The following PPP4R4 variants were observed in gnomAD, a reference collection of about 807,000 sequenced individuals.
PPP4R4 encodes serine/threonine-protein phosphatase 4 regulatory subunit 4.
PPP4R4 carries 70 observed loss-of-function variants against 121.8 expected under a neutral mutation model. The observed-to-expected ratio is 0.57, with a 90% CI of 0.47 to 0.70. The LOEUF (loss-of-function observed/expected upper bound fraction) is 0.70, where lower values mean the gene tolerates loss of function less well. Ranked by LOEUF, PPP4R4 falls within the 30% of genes least tolerant of loss-of-function variation. The pLI, the probability that PPP4R4 is intolerant of heterozygous loss-of-function variation, is 0.00. For missense variants in PPP4R4, 875 were observed against 1,033.6 expected (o/e 0.85, Z 2.10); for synonymous variants, 348 against 355.7 (o/e 0.98, Z 0.24).
At chr14:94,187,530 A>G (rs185965202) in intron 2 of PPP4R4, among the ~76,000 whole-genome samples, 6 of 152,312 alleles carry the variant, frequency 3.9e-5, no homozygotes, top group African/African-American at 1.4e-4. Flanking sequence ...CATGTTATTA[A>G]TACATAATCA....
At chr14:94,244,469 G>A (rs1345738736) in intron 11 of PPP4R4, among the ~76,000 whole-genome samples, 166 bp from the exon 12 acceptor site, 1 of 152,092 alleles carries the variant, frequency 6.6e-6, no homozygotes, top group Non-Finnish European at 1.5e-5. Flanking sequence ...TAGAAAGCTG[G>A]TTATTTGTGC....
chr14:94,241,291 G>A (rs545256004), intron 9 of PPP4R4, among the ~76,000 whole-genome samples: 11 of 152,144 alleles, frequency 7.2e-5, no homozygotes, highest in African/African-American at 2.4e-4. Flanking sequence ...TGAGTTTCTA[G>A]CTCCTTGAGA....
chr14:94,265,287 T>G (rs1480833973), intron 20 of PPP4R4, 100 bp from the exon 21 acceptor site: 2 of 813,958 alleles, frequency 2.5e-6, no homozygotes, highest in African/African-American at 3.5e-5. Flanking sequence ...GCTGCTTAGC[T>G]AGGGATAGTG....
intron 2 of PPP4R4, among the ~76,000 whole-genome samples, chr14:94,204,608 A>G (rs147238205): frequency 2.7e-4 from 41 of 152,202 alleles, no homozygotes; most frequent in Non-Finnish European, 4.7e-4. Context: ...AATATAATCT[A>G]TGTCTCCCGA....
intron 2 of PPP4R4, among the ~76,000 whole-genome samples, chr14:94,206,339 A>G (rs536024056): frequency 2.0e-5 from 3 of 151,422 alleles, no homozygotes; most frequent in East Asian, 1.9e-4. Context: ...TTTATTTTCA[A>G]CCACTGATAC....
At chr14:94,184,172 C>G (rs986870851) in intron 2 of PPP4R4, among the ~76,000 whole-genome samples, 3 of 152,070 alleles carry the variant, frequency 2.0e-5, no homozygotes, top group Admixed American at 1.3e-4. Flanking sequence ...CTGCTTGGTT[C>G]CCAGTCTTGT....
chr14:94,186,154 T>G (rs1208955382), intron 2 of PPP4R4, among the ~76,000 whole-genome samples: 1 of 152,234 alleles, frequency 6.6e-6, no homozygotes, highest in African/African-American at 2.4e-5. Flanking sequence ...CACATGTATT[T>G]AAACCATGTA....
intron 15 of PPP4R4, 124 bp downstream of exon 15, chr14:94,250,401 A>G: frequency 3.2e-6 from 2 of 621,796 alleles, no homozygotes; most frequent in South Asian, 2.2e-5. Context: ...TTATAAGATG[A>G]TTTTTATTTT....
chr14:94,184,231 G>A (rs1889137593), intron 2 of PPP4R4, among the ~76,000 whole-genome samples: 1 of 152,034 alleles, frequency 6.6e-6, no homozygotes, highest in African/African-American at 2.4e-5. Flanking sequence ...AAGAATTAGA[G>A]GGCTCACCAT....
intron 3 of PPP4R4, among the ~76,000 whole-genome samples, chr14:94,219,080 C>CTTTTTTTTTTT (rs71301922): frequency 1.8e-4 from 19 of 106,942 alleles, no homozygotes; most frequent in East Asian, 5.4e-4. Context: ...CTTTTCTTTT[C>CTTTTTTTTTTT]TTTTTTTTTT....
At chr14:94,199,700 C>T (rs76586776) in intron 2 of PPP4R4, among the ~76,000 whole-genome samples, 1,609 of 152,192 alleles carry the variant, frequency 0.011, 33 homozygotes, top group African/African-American at 0.036. Context: ...CTTAGCAGCC[C>T]GCGCTCTCCT....
In PPP4R4 at chr14:94,227,840, T is replaced by G. The variant is rs1184855136; in HGVS notation, c.295-2747T>G. ...CTGTTTCTAAATAAAAGCTGTGCCT[T>G]CTGAAACCTGTAAGTGATGTATACT... On this transcript the variant is annotated intron_variant, in intron 3 of 24. Coordinates refer to ENST00000304338, the MANE Select transcript of PPP4R4 (RefSeq NM_058237.2). 4 of 986,544 alleles carry G rather than the reference T, an allele frequency of 4.1e-6. No individual in the cohort carries two copies. In the African/African-American group the frequency reaches 7.0e-5, roughly 17 times the overall value. 61.1% of individuals were successfully genotyped at this position (986,544 alleles called of 1,614,324 possible).
chr14:94,212,722 C>G (rs1172410293), intron 3 of PPP4R4, among the ~76,000 whole-genome samples: 1 of 151,968 alleles, frequency 6.6e-6, no homozygotes, highest in Non-Finnish European at 1.5e-5. Context: ...GTTTGTTAGA[C>G]TTCAATATTT....
chr14:94,176,636 T>C (rs1459506049), intron 2 of PPP4R4, among the ~76,000 whole-genome samples: 1 of 151,996 alleles, frequency 6.6e-6, no homozygotes, highest in Non-Finnish European at 1.5e-5. Flanking sequence ...GAGCCTACTG[T>C]CATTTCAATT....
chr14:94,177,733 T>C (rs1337870562), intron 2 of PPP4R4, among the ~76,000 whole-genome samples: 1 of 152,220 alleles, frequency 6.6e-6, no homozygotes, highest in Non-Finnish European at 1.5e-5. Flanking sequence ...TTATTTGTTT[T>C]CTATTTTGCT....
At position 94,174,661 on chromosome 14, in the gene PPP4R4, C is replaced by T. The variant is rs1595437187; in HGVS notation, c.117+79C>T. 1.9e-6 allele frequency: 3 copies of T among 1,546,576 alleles called. No homozygotes were observed. The East Asian group carries it at 7.1e-5, about 37-fold the overall frequency. ...CGGTCCCGCGCTGATCTCTGCCCCA[C>T]GCCACCACCCTCCCCTCCTCCGGGC... On this transcript the variant is annotated intron_variant, in intron 1 of 24. Coordinates refer to ENST00000304338, the MANE Select transcript of PPP4R4 (RefSeq NM_058237.2).
At chr14:94,248,029 T>C (rs1277270228) in intron 14 of PPP4R4, among the ~76,000 whole-genome samples, 1 of 152,042 alleles carries the variant, frequency 6.6e-6, no homozygotes, top group African/African-American at 2.4e-5. Flanking sequence ...CTCATACCAC[T>C]CCTATTAAAC....
intron 3 of PPP4R4, among the ~76,000 whole-genome samples, chr14:94,209,153 TTAAA>T (rs1279744126): frequency 6.6e-6 from 1 of 151,970 alleles, no homozygotes; most frequent in Non-Finnish European, 1.5e-5. Context: ...ATTTCAACTA[TTAAA>T]TATTTAGTAA....
intron 23 of PPP4R4, among the ~76,000 whole-genome samples, chr14:94,274,276 A>G (rs892522267): frequency 6.6e-6 from 1 of 152,134 alleles, no homozygotes; most frequent in African/African-American, 2.4e-5. Context: ...TAAAACAAAA[A>G]TATCAACACA....
Sources: allele counts gnomAD v4.1 joint callset (sites outside exome capture counted in the v4.1 genomes callset), GRCh38; gene constraint gnomAD v4.1.1; transcripts MANE v1.5; gene names NCBI Gene and HGNC (gene_info 2026-07-23, HGNC 2026-07-21).